CYP2C18: variants seen among roughly 807,000 people sequenced by gnomAD.
CYP2C18 encodes cytochrome P450 2C18.
A neutral mutation model predicts 41.3 loss-of-function variants in CYP2C18; 38 were observed. The observed-to-expected ratio is 0.92, with a 90% CI of 0.71 to 1.21. CYP2C18 has a LOEUF of 1.21. Among genes scored for constraint, CYP2C18 ranks in the 50% most tolerant of loss-of-function variants. The pLI is 0.00. For synonymous variants in CYP2C18, 236 were observed against 210.0 expected (o/e 1.12, Z -1.07); for missense variants, 635 against 591.4 (o/e 1.07, Z -0.77).
chr10:94,721,822 G>GGT (rs147568864), intron 6 of CYP2C18, among the ~76,000 whole-genome samples: 222 of 150,822 alleles, frequency 1.5e-3, no homozygotes, highest in Admixed American at 3.6e-3. Flanking sequence ...AGTAGTGCAT[G>GGT]GTGTGTGTGT....
intron 4 of CYP2C18, among the ~76,000 whole-genome samples, chr10:94,701,903 A>G (rs913510332): frequency 5.9e-5 from 9 of 152,160 alleles, no homozygotes; most frequent in African/African-American, 2.2e-4. Context: ...AATTGCACTC[A>G]CTGGGCAGTG....
intron 5 of CYP2C18, among the ~76,000 whole-genome samples, chr10:94,712,997 A>G (rs1847466375): frequency 6.6e-6 from 1 of 152,102 alleles, no homozygotes; most frequent in African/African-American, 2.4e-5. Context: ...TTTTAGAAAT[A>G]TTCATTCAGG....
At chr10:94,703,075 G>A (rs769885663) in intron 4 of CYP2C18, among the ~76,000 whole-genome samples, 1 of 152,344 alleles carries the variant, frequency 6.6e-6, no homozygotes, top group Non-Finnish European at 1.5e-5. Context: ...CTGCAGAACA[G>A]CAAAGATTGC....
intron 3 of CYP2C18, 122 bp from the exon 4 acceptor site, chr10:94,694,795 G>T: frequency 9.2e-7 from 1 of 1,086,934 alleles, no homozygotes; most frequent in Non-Finnish European, 1.3e-6. Flanking sequence ...AGTTTGTGTT[G>T]ATAAGAGAAT....
intron 3 of CYP2C18, among the ~76,000 whole-genome samples, chr10:94,691,671 T>G (rs1847002626): frequency 1.3e-5 from 2 of 152,150 alleles, no homozygotes; most frequent in South Asian, 4.1e-4. Flanking sequence ...TGGAAAAAAC[T>G]ACTTTAAAGT....
chr10:94,729,639 A>G (rs1244744854), intron 7 of CYP2C18, among the ~76,000 whole-genome samples: 1 of 152,116 alleles, frequency 6.6e-6, no homozygotes, highest in Non-Finnish European at 1.5e-5. Flanking sequence ...GCCATTTTGT[A>G]TATATAAACA....
At chr10:94,730,318 A>G (rs1439583536) in intron 7 of CYP2C18, among the ~76,000 whole-genome samples, 6 of 152,176 alleles carry the variant, frequency 3.9e-5, no homozygotes. Flanking sequence ...TGTTTTTTAA[A>G]AACATCCCTT....
At chr10:94,714,851 C>T (rs1295095957) in intron 5 of CYP2C18, among the ~76,000 whole-genome samples, 3 of 152,120 alleles carry the variant, frequency 2.0e-5, no homozygotes, top group South Asian at 2.1e-4. Flanking sequence ...TCTTTTATTT[C>T]ATTGAGCAGT....
Position 94,731,319 on chromosome 10 carries a change from G to A in CYP2C18, c.1150-1978G>A, listed in dbSNP as rs58138713. On this transcript the variant is annotated intron_variant, in intron 7 of 8. Coordinates refer to ENST00000285979, the MANE Select transcript of CYP2C18 (RefSeq NM_000772.3). ...GGCGTGAACCCGGAAGGTGGAGCTT[G>A]CAGTGAGCAGAGATCACACTATTGT... Among the ~76,000 whole-genome samples the A allele has an allele frequency of 3.3e-3, 498 of 152,126 alleles. 2 individuals carry two copies. The highest frequency in any genetic ancestry group is 0.012 in the African/African-American group (482 of 41,510).
chr10:94,735,439 G>T lies in CYP2C18; in HGVS notation c.1468G>T (p.Val490Phe), dbSNP rs764785028. The T allele has an allele frequency of 1.2e-6, 2 of 1,613,372 alleles. No individual in the cohort carries two copies. Among genetic ancestry groups the T allele is most frequent in the East Asian group, 4.5e-5 (2 of 44,864 alleles). ...PPLYQLCFIP[V>F] ...CTTGTACCAGCTCTGCTTCATTCCT[G>T]TCTGAAGAAGGGCAGATAGTTTGGC... The change falls in exon 9 of 9, where the codon GTC becomes TTC. Residue 490 changes from valine to phenylalanine, a missense_variant. Physicochemically the swap from Val to Phe is conservative, Grantham distance 50. Transcript: ENST00000285979.
At chr10:94,703,056 C>T (rs899869889) in intron 4 of CYP2C18, among the ~76,000 whole-genome samples, 2 of 152,188 alleles carry the variant, frequency 1.3e-5, no homozygotes, top group African/African-American at 4.8e-5. Context: ...TGGGTATCAC[C>T]AGCAGCGGCT....
chr10:94,720,282 CTG>C (rs1564646872), intron 5 of CYP2C18, 112 bp from the exon 6 acceptor site: 7 of 860,558 alleles, frequency 8.1e-6, no homozygotes, highest in Non-Finnish European at 3.5e-6. Flanking sequence ...ATACTGCACT[CTG>C]TACAGTTTCC....
intron 4 of CYP2C18, among the ~76,000 whole-genome samples, chr10:94,704,091 C>G (rs749334690): frequency 2.6e-5 from 4 of 152,192 alleles, no homozygotes; most frequent in African/African-American, 7.2e-5. Context: ...TGAGATGAAC[C>G]GGGCACCTCA....
intron 8 of CYP2C18, 147 bp downstream of exon 8, chr10:94,733,585 G>A: frequency 6.9e-7 from 1 of 1,454,110 alleles, no homozygotes; most frequent in Admixed American, 2.5e-5. Context: ...CGATTTCCCT[G>A]CTGATGAACA....
chr10:94,705,093 A>G (rs1306068528), intron 4 of CYP2C18, among the ~76,000 whole-genome samples: 1 of 152,136 alleles, frequency 6.6e-6, no homozygotes, highest in Non-Finnish European at 1.5e-5. Flanking sequence ...CCTTGACAAG[A>G]TCACTGCCAA....
chr10:94,735,609 G>C lies in CYP2C18; in HGVS notation c.*165G>C. The C allele has an allele frequency of 3.0e-6, 2 of 676,466 alleles. No homozygotes were observed. Among genetic ancestry groups the C allele is most frequent in the African/African-American group, 1.8e-5 (1 of 55,622 alleles). 41.9% of individuals were successfully genotyped at this position (676,466 alleles called of 1,614,324 possible). A position where few individuals can be genotyped will look rare whatever the true frequency, so the allele number is the denominator to read the frequency against. Reference sequence around the variant, plus strand: ...ATGAACATCCAACCTCCATTAAAGAGAGTTTCTTGGGTCACTTCCTAAATA... The same window carrying C: ...ATGAACATCCAACCTCCATTAAAGACAGTTTCTTGGGTCACTTCCTAAATA... On this transcript the variant is annotated 3_prime_UTR_variant, in exon 9 of 9. Transcript: ENST00000285979.
chr10:94,732,376 A>G (rs893114102), intron 7 of CYP2C18, among the ~76,000 whole-genome samples: 7 of 152,182 alleles, frequency 4.6e-5, no homozygotes, highest in African/African-American at 1.7e-4. Flanking sequence ...CTTGGTGGGA[A>G]TGTAAATTAG....
chr10:94,691,256 T>C (rs986018116), intron 3 of CYP2C18, among the ~76,000 whole-genome samples: 4 of 152,206 alleles, frequency 2.6e-5, no homozygotes, highest in African/African-American at 9.6e-5. Context: ...GATAACATGA[T>C]TGTATATCTA....
intron 7 of CYP2C18, chr10:94,728,644 T>A (rs1847781778): frequency 1.0e-6 from 1 of 962,060 alleles, no homozygotes; most frequent in Non-Finnish European, 1.2e-6. Flanking sequence ...TCAATAAATT[T>A]TAGTGTACTT....
Sources: gnomAD v4.1 joint callset for allele counts (sites outside exome capture counted in the v4.1 genomes callset) on GRCh38, gnomAD v4.1.1 for gene constraint, MANE v1.5 for transcripts, NCBI Gene and HGNC (gene_info 2026-07-23, HGNC 2026-07-21) for gene names.